The following KAZN variants were observed in gnomAD, a reference collection of about 807,000 sequenced individuals.
The protein encoded by KAZN is kazrin, periplakin interacting protein, also known as kazrin.
A neutral mutation model predicts 87.4 loss-of-function variants in KAZN; 40 were observed. The observed-to-expected ratio is 0.46, with a 90% CI of 0.36 to 0.60. The LOEUF (loss-of-function observed/expected upper bound fraction) is 0.60. Among genes scored for constraint, KAZN ranks in the 20% least tolerant of loss-of-function variants. KAZN has a pLI of 0.00. For synonymous variants in KAZN, 466 were observed against 458.3 expected (o/e 1.02, Z -0.22); for missense variants, 898 against 1,073.9 (o/e 0.84, Z 2.29).
intron 1 of KAZN, among the ~76,000 whole-genome samples, chr1:14,025,196 A>G (rs1358506975): frequency 3.3e-5 from 5 of 152,168 alleles, no homozygotes; most frequent in African/African-American, 1.2e-4. Context: ...TATGAATATC[A>G]TGCACTTCAC....
intron 2 of KAZN, chr1:14,222,211 T>A (rs1241907284): frequency 6.6e-6 from 1 of 152,208 alleles, no homozygotes; most frequent in Non-Finnish European, 1.5e-5. Flanking sequence ...CTTTAAAAGT[T>A]ACCAATTCCA....
chr1:14,780,559 G>A (rs1399625124), intron 1 of KAZN, among the ~76,000 whole-genome samples: 1 of 152,208 alleles, frequency 6.6e-6, no homozygotes, highest in Non-Finnish European at 1.5e-5. Flanking sequence ...ATTAGAATCT[G>A]CCCCATAGGG....
At chr1:14,270,909 A>T (rs1651869924) in intron 2 of KAZN, among the ~76,000 whole-genome samples, 2 of 152,182 alleles carry the variant, frequency 1.3e-5, no homozygotes, top group South Asian at 4.1e-4. Flanking sequence ...GTTTGCCCAG[A>T]AATGGGGGAC....
intron 2 of KAZN, among the ~76,000 whole-genome samples, chr1:14,381,842 G>A (rs1661395248): frequency 6.6e-6 from 1 of 152,108 alleles, no homozygotes; most frequent in Non-Finnish European, 1.5e-5. Context: ...CAGAAGACAA[G>A]AGAATGAAAT....
chr1:14,514,453 TTA>T (rs1220428451), intron 2 of KAZN, among the ~76,000 whole-genome samples: 3 of 7,728 alleles, frequency 3.9e-4, no homozygotes, highest in African/African-American at 8.3e-4. Flanking sequence ...AATATATATA[TTA>T]TATATATTTT....
At chr1:14,065,536 G>A (rs1388773554) in intron 1 of KAZN, among the ~76,000 whole-genome samples, 2 of 146,398 alleles carry the variant, frequency 1.4e-5, no homozygotes, top group African/African-American at 2.5e-5. Flanking sequence ...TCTTAAACTC[G>A]AAAATCTTGG....
At chr1:14,471,466 G>A (rs1454779998) in intron 2 of KAZN, among the ~76,000 whole-genome samples, 8 of 152,106 alleles carry the variant, frequency 5.3e-5, no homozygotes, top group East Asian at 1.9e-4. Flanking sequence ...ACATTGCATC[G>A]ACTTTGGCTT....
At chr1:14,816,354 G>A (rs951765247) in intron 1 of KAZN, among the ~76,000 whole-genome samples, 1 of 152,158 alleles carries the variant, frequency 6.6e-6, no homozygotes, top group South Asian at 2.1e-4. Flanking sequence ...GTTCTCATCT[G>A]GAGGCTCTAC....
chr1:14,431,505 T>TG (rs1666069395), intron 2 of KAZN, among the ~76,000 whole-genome samples: 1 of 152,142 alleles, frequency 6.6e-6, no homozygotes, highest in South Asian at 2.1e-4. Context: ...CCTAGATAGC[T>TG]GGTAAAGTAT....
chr1:14,137,937 T>C (rs138214988), intron 1 of KAZN, among the ~76,000 whole-genome samples: 140 of 152,238 alleles, frequency 9.2e-4, no homozygotes, highest in African/African-American at 3.3e-3. Flanking sequence ...TCAGTGTGTA[T>C]CTGAGCCAGA....
chr1:14,339,545 C>T (rs1254253488), intron 2 of KAZN, among the ~76,000 whole-genome samples: 1 of 152,052 alleles, frequency 6.6e-6, no homozygotes, highest in Non-Finnish European at 1.5e-5. Flanking sequence ...CGCAGGAGAG[C>T]CGACGTTTCT....
In KAZN at chr1:14,578,014, C is replaced by T. The variant is rs143966057; in HGVS notation, c.250-20969C>T. ...TGTCCTTGGGAAAGTGTTTAACCTT[C>T]CCAAACTGCAGTCTTCTCACCCGTA... On this transcript the variant is annotated intron_variant, in intron 2 of 16. Transcript: ENST00000636203. 7.0e-3 allele frequency among the ~76,000 whole-genome samples: 1,073 copies of T among 152,218 alleles called. 16 individuals carry two copies. Among genetic ancestry groups the T allele is most frequent in the African/African-American group, 0.024 (1,007 of 41,554 alleles).
intron 2 of KAZN, among the ~76,000 whole-genome samples, chr1:14,384,006 A>G (rs1661630066): frequency 6.6e-6 from 1 of 152,088 alleles, no homozygotes; most frequent in South Asian, 2.1e-4. Context: ...AGTGGTTTGT[A>G]GCTCTGCTTG....
intron 1 of KAZN, among the ~76,000 whole-genome samples, chr1:14,781,776 G>A (rs1344873095): frequency 6.6e-6 from 1 of 152,104 alleles, no homozygotes; most frequent in African/African-American, 2.4e-5. Flanking sequence ...GACCAGCCTG[G>A]GCATGAAAAA....
At chr1:14,334,051 C>A (rs1325476925) in intron 2 of KAZN, among the ~76,000 whole-genome samples, 1 of 151,986 alleles carries the variant, frequency 6.6e-6, no homozygotes, top group East Asian at 1.9e-4. Context: ...AGGACTTTCA[C>A]TTTCCCCCTA....
At chr1:14,461,453 C>T (rs950335879) in intron 2 of KAZN, among the ~76,000 whole-genome samples, 1 of 152,140 alleles carries the variant, frequency 6.6e-6, no homozygotes, top group Admixed American at 6.6e-5. Context: ...GTAAGTCGTG[C>T]CTTTCACCTT....
chr1:14,166,451 C>T (rs766044077), intron 1 of KAZN, among the ~76,000 whole-genome samples: 1 of 152,152 alleles, frequency 6.6e-6, no homozygotes, highest in Non-Finnish European at 1.5e-5. Context: ...TGTCTTTGTC[C>T]TCAAGTTTCT....
chr1:14,511,618 A>G (rs999153747), intron 2 of KAZN, among the ~76,000 whole-genome samples: 8 of 152,250 alleles, frequency 5.3e-5, no homozygotes, highest in Admixed American at 1.3e-4. Context: ...GCCCTGGAAT[A>G]CATTATACTA....
chr1:14,025,342 T>C (rs918984483), intron 1 of KAZN, among the ~76,000 whole-genome samples: 6 of 152,246 alleles, frequency 3.9e-5, no homozygotes, highest in Non-Finnish European at 8.8e-5. Flanking sequence ...TTCTTTGTAT[T>C]TGTGTCTCTG....
Sources: gnomAD v4.1 joint callset for allele counts (sites outside exome capture counted in the v4.1 genomes callset) on GRCh38, gnomAD v4.1.1 for gene constraint, MANE v1.5 for transcripts, NCBI Gene and HGNC (gene_info 2026-07-23, HGNC 2026-07-21) for gene names.